The following TMPRSS11B variants were observed in gnomAD, a reference collection of about 807,000 sequenced individuals.
TMPRSS11B encodes the protein transmembrane protease serine 11B.
Under a neutral mutation model 44.7 loss-of-function variants are expected in TMPRSS11B, and 53 were observed. That is an observed-to-expected ratio of 1.19 (90% CI 0.95 to 1.49). The LOEUF (loss-of-function observed/expected upper bound fraction) is 1.49, where lower values mean the gene tolerates loss of function less well. Ranked by LOEUF, TMPRSS11B falls within the 40% of genes most tolerant of loss-of-function variation. The pLI, the probability that TMPRSS11B is intolerant of heterozygous loss-of-function variation, is 0.00. For synonymous variants in TMPRSS11B, 140 were observed against 159.2 expected, an observed-to-expected ratio of 0.88 and a Z score of 0.91; for missense variants, 526 against 494.8, an observed-to-expected ratio of 1.06 and a Z score of -0.60.
At chr4:68,242,684 C>T (rs898115706) in intron 1 of TMPRSS11B, among the ~76,000 whole-genome samples, 1 of 151,464 alleles carries the variant, frequency 6.6e-6, no homozygotes, top group African/African-American at 2.4e-5. Context: ...GATCCTCCCA[C>T]CTCAGCCTCC....
chr4:68,240,737 A>G (rs2109963860), intron 2 of TMPRSS11B, among the ~76,000 whole-genome samples: 1 of 152,230 alleles, frequency 6.6e-6, no homozygotes, highest in East Asian at 1.9e-4. Flanking sequence ...AGTGCCCATT[A>G]CCCTTCTGAA....
At chr4:68,235,951 G>T in intron 4 of TMPRSS11B, 51 bp downstream of exon 4, 1 of 1,049,066 alleles carries the variant, frequency 9.5e-7, no homozygotes, top group South Asian at 2.0e-5. Context: ...AAGGTTGTAT[G>T]ATATATCACC....
rs1260232830 is a variant in TMPRSS11B at position 68,234,472 on chromosome 4, T to C, written c.460A>G (p.Lys154Glu). ...GAAATAAGTCAAATACCCATGAGTT[T>C]AATGGAAGCAGGAACTGCATTCCAG... ...ASWNAVPASI[K>E]LMEISKAASE... The change falls in exon 5 of 10, where the codon AAA becomes GAA. Residue 154 changes from lysine to glutamate, a missense_variant. Transcript: ENST00000332644. 6.2e-7 allele frequency: 1 copy of C among 1,613,618 alleles called. No homozygotes were observed. The highest frequency in any genetic ancestry group is 1.7e-5 in the Admixed American group (1 of 59,934).
At chr4:68,234,419 G>GAA (rs35624784) in intron 5 of TMPRSS11B, 44 bp downstream of exon 5, 2 of 1,564,574 alleles carry the variant, frequency 1.3e-6, no homozygotes, top group Non-Finnish European at 1.7e-6. Context: ...AAATAATCCA[G>GAA]AAAAAACCTA....
Position 68,229,674 on chromosome 4 carries a change from T to G in TMPRSS11B, c.687-158A>C, listed in dbSNP as rs73823634. 784 of 617,136 alleles carry G rather than the reference T, an allele frequency of 1.3e-3. 4 individuals carry two copies. In the African/African-American group the frequency reaches 0.013, roughly 11 times the overall value. 38.2% of individuals were successfully genotyped at this position (617,136 alleles called of 1,614,324 possible). ...AACTATCTTTGACATGGAGCTGTTG[T>G]AAATGTTGCAGTCACTTAAAAATAA... On this transcript the variant is annotated intron_variant, in intron 7 of 9. Coordinates refer to ENST00000332644, the MANE Select transcript of TMPRSS11B (RefSeq NM_182502.3).
chr4:68,240,246 T>C (rs1276190031), intron 2 of TMPRSS11B, among the ~76,000 whole-genome samples: 2 of 152,212 alleles, frequency 1.3e-5, no homozygotes, highest in African/African-American at 4.8e-5. Flanking sequence ...ACAAATATTA[T>C]ATTCGTTCCT....
At chr4:68,232,573 A>G (rs1485806864) in intron 5 of TMPRSS11B, among the ~76,000 whole-genome samples, 157 bp from the exon 6 acceptor site, 1 of 152,206 alleles carries the variant, frequency 6.6e-6, no homozygotes, top group Non-Finnish European at 1.5e-5. Context: ...TCTGACTCTT[A>G]TTTGTTACAT....
intron 2 of TMPRSS11B, among the ~76,000 whole-genome samples, chr4:68,237,073 T>C (rs1719691927): frequency 6.6e-6 from 1 of 152,048 alleles, no homozygotes; most frequent in African/African-American, 2.4e-5. Flanking sequence ...TTTCTCCTAA[T>C]GCTATCCCTC....
rs776141209 is a variant in TMPRSS11B, at chr4:68,229,514, T to C, written c.689A>G (p.Lys230Arg). The C allele has an allele frequency of 2.5e-6, 4 of 1,610,944 alleles. No homozygotes were observed. Among genetic ancestry groups the C allele is most frequent in the Non-Finnish European group, 3.4e-6 (4 of 1,178,100 alleles). ...LLSAAHCFAK[K>R]NNSKDWTVNF... ...GACAGTCCAATCTTTTGAATTATTT[T>C]TCCTAGAGGACACAATGTAATTAGA... The change falls in exon 8 of 10, where the codon AAA becomes AGA. Residue 230 changes from lysine (K) to arginine (R), a missense_variant and splice_region_variant. Transcript: ENST00000332644.
At chr4:68,237,671 C>A (rs1315090269) in intron 2 of TMPRSS11B, among the ~76,000 whole-genome samples, 5 of 152,142 alleles carry the variant, frequency 3.3e-5, no homozygotes, top group South Asian at 2.1e-4. Context: ...ATATAAACTG[C>A]TTCACGTGAT....
chr4:68,234,583 A>G lies in TMPRSS11B; in HGVS notation c.349T>C (p.Phe117Leu). The G allele has an allele frequency of 6.2e-7, 1 of 1,613,922 alleles. No homozygotes were observed. The highest frequency in any genetic ancestry group is 8.5e-7 in the Non-Finnish European group (1 of 1,179,936). Residue 117 changes from phenylalanine (F) to leucine (L), a missense_variant, in exon 5 of 10, where the codon TTC becomes CTC. Coordinates refer to ENST00000332644, the MANE Select transcript of TMPRSS11B (RefSeq NM_182502.3). ...NGSNVQLQLKFKFPPAEGVSM... is the reference protein window; with the variant it reads ...NGSNVQLQLKLKFPPAEGVSM... The stretch of plus-strand genomic sequence containing the variant: ...ACTCCTTCTGCTGGAGGAAACTTGA[A>G]TTTCAGCTGTAACTGCACATTTGAA...
chr4:68,234,510 T>C lies in TMPRSS11B; in HGVS notation c.422A>G (p.Asn141Ser), dbSNP rs1314581197. ...AACTGCATTCCAGGATGCCATGTTG[T>C]TTTTCAACATCTGATGTAATTTAGC... Reference protein sequence around the residue: ...IKAKLHQMLKNNMASWNAVPA... With the variant: ...IKAKLHQMLKSNMASWNAVPA... Residue 141 changes from asparagine (N) to serine (S), a missense_variant, in exon 5 of 10, where the codon AAC becomes AGC. Asn to Ser is a conservative substitution (Grantham distance 46, BLOSUM62 1). Coordinates refer to ENST00000332644, the MANE Select transcript of TMPRSS11B (RefSeq NM_182502.3). 1 of 1,613,992 alleles carries C rather than the reference T, an allele frequency of 6.2e-7. No homozygotes were observed. The highest frequency in any genetic ancestry group is 8.5e-7 in the Non-Finnish European group (1 of 1,179,942).
chr4:68,228,207 G>A, intron 9 of TMPRSS11B, 135 bp from the exon 10 acceptor site: 1 of 815,946 alleles, frequency 1.2e-6, no homozygotes, highest in Non-Finnish European at 1.8e-6. Context: ...GAAACCCTTA[G>A]GACTTTTTTT....
In TMPRSS11B at chr4:68,245,554, T is replaced by C; in HGVS notation, c.5A>G (p.Tyr2Cys). Residue 2 changes from tyrosine (Y) to cysteine (C), a missense_variant, in exon 1 of 10, where the codon TAC (tyrosine) becomes TGC (cysteine). Physicochemically the swap from Tyr to Cys is radical, Grantham distance 194. Coordinates refer to ENST00000332644, the MANE Select transcript of TMPRSS11B (RefSeq NM_182502.3). ...TCCCCAGTGAAGTCCCCTTTACCTGTACATAATGTTCTGATTGTTATGGCA... is the reference window on the plus strand; with the variant it reads ...TCCCCAGTGAAGTCCCCTTTACCTGCACATAATGTTCTGATTGTTATGGCA... The part of the protein sequence containing the change: M[Y>C]RHGISSQRSW... 3.1e-6 allele frequency: 5 copies of C among 1,613,588 alleles called. No homozygotes were observed. Among genetic ancestry groups the C allele is most frequent in the Non-Finnish European group, 3.4e-6 (4 of 1,179,614 alleles).
intron 5 of TMPRSS11B, 150 bp from the exon 6 acceptor site, chr4:68,232,566 G>T: frequency 6.3e-6 from 4 of 631,750 alleles, no homozygotes; most frequent in Non-Finnish European, 1.1e-5. Flanking sequence ...CAGCCCCTCT[G>T]ACTCTTATTT....
chr4:68,233,505 A>T (rs971288249), intron 5 of TMPRSS11B, among the ~76,000 whole-genome samples: 1 of 151,596 alleles, frequency 6.6e-6, no homozygotes, highest in Non-Finnish European at 1.5e-5. Flanking sequence ...AAATCTTATC[A>T]TTTTTCTGTG....
intron 9 of TMPRSS11B, 116 bp from the exon 10 acceptor site, chr4:68,228,188 T>C: frequency 1.0e-6 from 1 of 963,978 alleles, no homozygotes; most frequent in East Asian, 2.7e-5. Flanking sequence ...TCTTTGGGCT[T>C]AGAACTCTGA....
chr4:68,236,304 A>G (rs968241374), intron 2 of TMPRSS11B, 38 bp from the exon 3 acceptor site: 3 of 1,353,086 alleles, frequency 2.2e-6, no homozygotes, highest in Non-Finnish European at 3.1e-6. Context: ...AAGAATTTTA[A>G]AGTGGAAAGT....
chr4:68,244,571 A>G (rs1719949783), intron 1 of TMPRSS11B, among the ~76,000 whole-genome samples: 1 of 152,240 alleles, frequency 6.6e-6, no homozygotes, highest in Non-Finnish European at 1.5e-5. Context: ...CAGGGGAAAA[A>G]AATAAATGAA....
Sources: allele counts gnomAD v4.1 joint callset (sites outside exome capture counted in the v4.1 genomes callset), GRCh38; gene constraint gnomAD v4.1.1; transcripts MANE v1.5; gene names NCBI Gene and HGNC (gene_info 2026-07-23, HGNC 2026-07-21).